Variants in KIF5C observed in about 807,000 individuals in gnomAD.
KIF5C encodes the protein kinesin family member 5C, also known as kinesin heavy chain isoform 5C.
Under a neutral mutation model 125.2 loss-of-function variants are expected in KIF5C, and 18 were observed. The ratio of observed to expected loss-of-function variants is 0.14; its 90% CI spans 0.10 to 0.21. The LOEUF is 0.21. KIF5C is among the 10% of genes least tolerant of loss of function. The probability of loss-of-function intolerance (pLI) is 1.00; values close to 1 mark genes in which losing one functional copy is unlikely to be tolerated. For synonymous variants in KIF5C, 405 were observed against 434.0 expected, an observed-to-expected ratio of 0.93 and a Z score of 0.83; for missense variants, 780 against 1,183.8, an observed-to-expected ratio of 0.66 and a Z score of 5.01.
At chr2:148,969,605 C>A (rs1680848358) in intron 11 of KIF5C, among the ~76,000 whole-genome samples, 1 of 152,106 alleles carries the variant, frequency 6.6e-6, no homozygotes, top group Non-Finnish European at 1.5e-5. Flanking sequence ...GCTAATCTTC[C>A]TTTGGTGGTC....
intron 11 of KIF5C, among the ~76,000 whole-genome samples, chr2:148,967,444 G>A (rs1411224397): frequency 5.9e-5 from 9 of 152,200 alleles, no homozygotes; most frequent in African/African-American, 1.9e-4. Flanking sequence ...ATGTGATTAT[G>A]TTGGAGAAGC....
intron 1 of KIF5C, among the ~76,000 whole-genome samples, chr2:148,900,203 A>G (rs1042220188): frequency 3.9e-5 from 6 of 152,208 alleles, no homozygotes; most frequent in Non-Finnish European, 7.4e-5. Flanking sequence ...AGTGCCTTCT[A>G]TTTCTCAGAC....
chr2:148,890,304 G>C (rs985241243), intron 1 of KIF5C, among the ~76,000 whole-genome samples: 11 of 152,162 alleles, frequency 7.2e-5, no homozygotes, highest in African/African-American at 2.7e-4. Context: ...CACTGTTCCA[G>C]CCTGGGAAAG....
intron 1 of KIF5C, among the ~76,000 whole-genome samples, chr2:148,918,689 G>A (rs1166837835): frequency 6.6e-6 from 1 of 152,226 alleles, no homozygotes; most frequent in African/African-American, 2.4e-5. Context: ...CCACACTGTA[G>A]TGAGATGGAG....
intron 1 of KIF5C, among the ~76,000 whole-genome samples, chr2:148,912,755 T>G (rs566269570): frequency 6.6e-6 from 1 of 152,308 alleles, no homozygotes; most frequent in South Asian, 2.1e-4. Context: ...GGCCTGTATA[T>G]ATATTTTAGT....
At chr2:148,981,264 TG>T in intron 13 of KIF5C, 90 bp from the exon 14 acceptor site, 1 of 1,447,746 alleles carries the variant, frequency 6.9e-7, no homozygotes, top group Non-Finnish European at 9.1e-7. Flanking sequence ...TTCTTATATC[TG>T]GTTTTTAAAT....
chr2:148,892,626 A>G (rs1014502963), intron 1 of KIF5C, among the ~76,000 whole-genome samples: 1 of 152,206 alleles, frequency 6.6e-6, no homozygotes, highest in African/African-American at 2.4e-5. Context: ...ATGCAGTGCC[A>G]TTCCTCTCAG....
At chr2:148,965,797 G>T (rs559333786) in intron 11 of KIF5C, among the ~76,000 whole-genome samples, 4 of 152,282 alleles carry the variant, frequency 2.6e-5, no homozygotes, top group African/African-American at 9.6e-5. Context: ...TGACTCTAAA[G>T]TTCATTCTCT....
chr2:148,931,805 T>G (rs1347860311), intron 3 of KIF5C, among the ~76,000 whole-genome samples: 2 of 152,202 alleles, frequency 1.3e-5, no homozygotes, highest in Non-Finnish European at 2.9e-5. Flanking sequence ...TGAGGACTCA[T>G]GGGGGACCTG....
intron 1 of KIF5C, among the ~76,000 whole-genome samples, chr2:148,880,424 T>A (rs1167394737): frequency 1.3e-5 from 2 of 152,236 alleles, no homozygotes; most frequent in Non-Finnish European, 2.9e-5. Context: ...CTCGGCTTGT[T>A]TCCAGTTTGG....
chr2:148,926,912 G>A (rs1271113821), intron 2 of KIF5C, among the ~76,000 whole-genome samples: 1 of 152,164 alleles, frequency 6.6e-6, no homozygotes, highest in Non-Finnish European at 1.5e-5. Flanking sequence ...AGTACTTTCA[G>A]GGCCGTGATT....
chr2:148,929,790 A>G (rs956857919), intron 3 of KIF5C, among the ~76,000 whole-genome samples: 1 of 152,144 alleles, frequency 6.6e-6, no homozygotes, highest in Non-Finnish European at 1.5e-5. Flanking sequence ...CAGCCCACAG[A>G]CATATTTTTG....
Position 148,930,138 on chromosome 2 carries a change from C to T in KIF5C, c.291+784C>T, listed in dbSNP as rs145602135. On this transcript the variant is annotated intron_variant, in intron 3 of 25. Transcript: ENST00000435030. Reference sequence around the variant, plus strand: ...CATTGTACTCACACCCAGCCCACTTCATGCACACTGGGGTGAAGACGAACT... The same window carrying T: ...CATTGTACTCACACCCAGCCCACTTTATGCACACTGGGGTGAAGACGAACT... Among the ~76,000 whole-genome samples the T allele has an allele frequency of 3.4e-3, 517 of 152,326 alleles. 1 individual carries two copies. The highest frequency in any genetic ancestry group is 5.7e-3 in the Non-Finnish European group (387 of 68,032).
chr2:149,011,145 T>C (rs1682181410), intron 24 of KIF5C, among the ~76,000 whole-genome samples: 1 of 152,234 alleles, frequency 6.6e-6, no homozygotes, highest in Non-Finnish European at 1.5e-5. Context: ...TCATTGCATG[T>C]GTAGGATTTC....
rs371476342 is a variant in KIF5C, at chr2:148,949,932, G to A, written c.808G>A (p.Ala270Thr). 6.2e-7 allele frequency: 1 copy of A among 1,613,504 alleles called. No homozygotes were observed. The highest frequency in any genetic ancestry group is 8.5e-7 in the Non-Finnish European group (1 of 1,179,706). ...SALGNVISAL[A>T]EGTKTHVPYR... ...TCTTGGAAATGTGATCTCTGCTTTG[G>A]CAGAAGGGACAGTAAGTGATCCTGC... The change falls in exon 9 of 26, where the codon GCA becomes ACA. Residue 270 changes from alanine (A) to threonine (T), a missense_variant. By Grantham distance (58) the Ala-to-Thr change is moderately conservative (BLOSUM62 0). Transcript: ENST00000435030.
In KIF5C at chr2:148,991,174, A is replaced by T; in HGVS notation, c.1881A>T (p.Ala627=). ...RKMNASEREL[A]ACQLLISQHE... ...TGAATGCCAGCGAGCGGGAGCTGGC[A>T]GCCTGCCAGCTGCTCATCTCCCAGG... is the stretch of plus-strand genomic sequence containing the variant. Residue 627 remains alanine (A), a synonymous_variant, in exon 16 of 26, where the codon GCA becomes GCT. Transcript: ENST00000435030. The T allele has an allele frequency of 1.9e-6, 3 of 1,613,758 alleles. No homozygotes were observed. The highest frequency in any genetic ancestry group is 1.7e-4 in the Middle Eastern group (1 of 6,006).
intron 14 of KIF5C, among the ~76,000 whole-genome samples, chr2:148,982,289 AG>A (rs1558931243): frequency 6.6e-6 from 1 of 152,224 alleles, no homozygotes; most frequent in Non-Finnish European, 1.5e-5. Flanking sequence ...GCAGTGAGCT[AG>A]CGGTAGCAGG....
intron 10 of KIF5C, among the ~76,000 whole-genome samples, chr2:148,960,473 G>C (rs1682899751): frequency 1.3e-5 from 2 of 152,194 alleles, no homozygotes; most frequent in Non-Finnish European, 2.9e-5. Context: ...AGGTGAGAGT[G>C]TCAAACAGGA....
At chr2:148,955,491 G>A (rs1239082143) in intron 10 of KIF5C, among the ~76,000 whole-genome samples, 1 of 152,156 alleles carries the variant, frequency 6.6e-6, no homozygotes, top group African/African-American at 2.4e-5. Flanking sequence ...TCCAGCCTCA[G>A]TTTGCAGCTG....
Sources: allele counts gnomAD v4.1 joint callset (sites outside exome capture counted in the v4.1 genomes callset), GRCh38; gene constraint gnomAD v4.1.1; transcripts MANE v1.5; gene names NCBI Gene and HGNC (gene_info 2026-07-23, HGNC 2026-07-21).